The following AGXT2 variants were observed in gnomAD, a reference collection of about 807,000 sequenced individuals.
AGXT2 encodes the protein alanine--glyoxylate aminotransferase 2, mitochondrial.
In AGXT2, 61 loss-of-function variants were observed where a neutral mutation model predicts 62.5. The ratio of observed to expected loss-of-function variants is 0.98; its 90% CI spans 0.79 to 1.21. The LOEUF is 1.21. Ranked by LOEUF, AGXT2 falls within the 50% of genes most tolerant of loss-of-function variation. The pLI, the probability that AGXT2 is intolerant of heterozygous loss-of-function variation, is 0.00. For missense variants in AGXT2, 666 were observed against 641.5 expected, an observed-to-expected ratio of 1.04 and a Z score of -0.41; for synonymous variants, 243 against 218.7, an observed-to-expected ratio of 1.11 and a Z score of -0.98.
chr5:35,022,834 G>A (rs562285833), intron 9 of AGXT2, among the ~76,000 whole-genome samples: 47 of 150,660 alleles, frequency 3.1e-4, no homozygotes, highest in African/African-American at 1.1e-3. Flanking sequence ...TATTAACCAA[G>A]TACCAGAGGG....
chr5:35,019,992 C>G (rs140646852), intron 9 of AGXT2, among the ~76,000 whole-genome samples: 44,983 of 152,020 alleles, frequency 0.3, 7,796 homozygotes, highest in Non-Finnish European at 0.4. Context: ...ATAAATTCCT[C>G]AACACATACA....
intron 7 of AGXT2, among the ~76,000 whole-genome samples, chr5:35,031,998 G>A (rs953472949): frequency 2.2e-5 from 3 of 136,658 alleles, no homozygotes; most frequent in Non-Finnish European, 3.0e-5. Flanking sequence ...TGTTGCCCAG[G>A]TTGGAGTGCA....
At chr5:35,003,634 G>C (rs1040430912) in intron 13 of AGXT2, 129 bp downstream of exon 13, 15 of 897,984 alleles carry the variant, frequency 1.7e-5, no homozygotes, top group Non-Finnish European at 2.2e-5. Context: ...TGGGTACCTC[G>C]GCACAGTTGT....
chr5:35,041,266 G>A (rs1767982368), intron 1 of AGXT2, among the ~76,000 whole-genome samples: 1 of 128,180 alleles, frequency 7.8e-6, no homozygotes, highest in Non-Finnish European at 1.6e-5. Context: ...AGACTGTGAT[G>A]AAACAGGGAT....
chr5:35,014,124 G>C lies in AGXT2; in HGVS notation c.964-5C>G. ...CCTTCCAAATCCTGTCTGCACCTGG[G>C]AAAACAAGTTCAAAACCATTGGAAA... On this transcript the variant is annotated splice_polypyrimidine_tract_variant and splice_region_variant and intron_variant, in intron 9 of 13. Transcript: ENST00000231420. 1 of 1,614,006 alleles carries C rather than the reference G, an allele frequency of 6.2e-7. No individual in the cohort carries two copies.
intron 1 of AGXT2, among the ~76,000 whole-genome samples, chr5:35,046,842 C>G (rs1768230028): frequency 6.6e-6 from 1 of 152,152 alleles, no homozygotes; most frequent in South Asian, 2.1e-4. Context: ...GTTGCTTAAT[C>G]TCATGTTTGC....
intron 13 of AGXT2, among the ~76,000 whole-genome samples, chr5:35,000,269 T>A (rs556641940): frequency 6.6e-6 from 1 of 152,146 alleles, no homozygotes; most frequent in East Asian, 1.9e-4. Flanking sequence ...ACCTCTCCTG[T>A]CTCTTTCTTC....
intron 9 of AGXT2, among the ~76,000 whole-genome samples, chr5:35,015,279 A>T (rs990396538): frequency 6.6e-6 from 1 of 152,174 alleles, no homozygotes; most frequent in Non-Finnish European, 1.5e-5. Context: ...TGTATCCATA[A>T]CACCTAGCAC....
At chr5:35,030,401 G>A (rs770206827) in intron 7 of AGXT2, among the ~76,000 whole-genome samples, 3 of 152,148 alleles carry the variant, frequency 2.0e-5, no homozygotes, top group African/African-American at 7.2e-5. Flanking sequence ...CCCGCTACTC[G>A]GGAAGCTGAG....
chr5:35,042,839 A>G (rs1768037558), intron 1 of AGXT2, among the ~76,000 whole-genome samples: 1 of 151,894 alleles, frequency 6.6e-6, no homozygotes, highest in African/African-American at 2.4e-5. Flanking sequence ...TCCAAGGTCT[A>G]TTTCTGAATA....
At position 35,032,985 on chromosome 5, in the gene AGXT2, AT is replaced by A. The variant is rs1191506089; in HGVS notation, c.676-161del. The stretch of plus-strand genomic sequence containing the variant: ...TTGAAGGATCTGCTTTGAAGAGATA[AT>A]TTTTTCTTAGAAATCAGCTATGTGG... On this transcript the variant is annotated intron_variant, in intron 6 of 13. Coordinates refer to ENST00000231420, the MANE Select transcript of AGXT2 (RefSeq NM_031900.4). The A allele has an allele frequency of 5.9e-6, 4 of 682,326 alleles. No homozygotes were observed. In the Admixed American group the frequency reaches 6.5e-5, roughly 11 times the overall value. 42.3% of individuals were successfully genotyped at this position (682,326 alleles called of 1,614,324 possible).
At chr5:35,030,021 A>G (rs1388897271) in intron 7 of AGXT2, among the ~76,000 whole-genome samples, 1 of 152,248 alleles carries the variant, frequency 6.6e-6, no homozygotes, top group African/African-American at 2.4e-5. Flanking sequence ...AATTGAGAAC[A>G]GGCAACATCT....
intron 9 of AGXT2, among the ~76,000 whole-genome samples, chr5:35,023,687 C>G (rs1334665565): frequency 6.6e-6 from 1 of 152,086 alleles, no homozygotes; most frequent in African/African-American, 2.4e-5. Context: ...GGACTTCGAT[C>G]AGTTTGTGGG....
At chr5:35,000,018 C>T (rs961772955) in intron 13 of AGXT2, among the ~76,000 whole-genome samples, 3 of 152,218 alleles carry the variant, frequency 2.0e-5, no homozygotes, top group African/African-American at 4.8e-5. Context: ...ATGGCTACCT[C>T]GCAAATGCTT....
chr5:35,013,975 T>A lies in AGXT2; in HGVS notation c.1096+12A>T. Reference sequence around the variant, plus strand: ...GGCCCAGAAGCAAACACAAACTGCCTGTGGGTCCTACCTGGAGTGGTTATG... The same window carrying A: ...GGCCCAGAAGCAAACACAAACTGCCAGTGGGTCCTACCTGGAGTGGTTATG... On this transcript the variant is annotated intron_variant, in intron 10 of 13. Transcript: ENST00000231420. 6.2e-7 allele frequency: 1 copy of A among 1,613,878 alleles called. No homozygotes were observed. The highest frequency in any genetic ancestry group is 8.5e-7 in the Non-Finnish European group (1 of 1,179,866).
At chr5:35,021,215 A>G (rs1767067076) in intron 9 of AGXT2, among the ~76,000 whole-genome samples, 1 of 152,244 alleles carries the variant, frequency 6.6e-6, no homozygotes, top group South Asian at 2.1e-4. Context: ...CAGAATTGAA[A>G]AAACTACTTC....
At chr5:35,043,416 C>A (rs190487935) in intron 1 of AGXT2, among the ~76,000 whole-genome samples, 1 of 152,214 alleles carries the variant, frequency 6.6e-6, no homozygotes, top group Admixed American at 6.5e-5. Flanking sequence ...TTGCCCAATG[C>A]TCATATAATG....
In AGXT2 at chr5:35,040,696, A is replaced by G. The variant is rs781623715; in HGVS notation, c.89-33T>C. On this transcript the variant is annotated intron_variant, in intron 1 of 13. Transcript: ENST00000231420. ...TGAAGTGAGTTAGAATCCTCAACTA[A>G]GCATGACATAGGTCTGTTTGTGAAA... 4.6e-6 allele frequency: 7 copies of G among 1,525,848 alleles called. No individual in the cohort carries two copies. In the African/African-American group the frequency reaches 9.6e-5, roughly 21 times the overall value. The allele number at this position is 1,525,848 out of a possible 1,614,324, so 94.5% of individuals were successfully genotyped here. A position where few individuals can be genotyped will look rare whatever the true frequency, so the allele number is the denominator to read the frequency against.
chr5:35,010,093 T>C lies in AGXT2; in HGVS notation c.1245A>G (p.Leu415=). 1 of 1,614,222 alleles carries C rather than the reference T, an allele frequency of 6.2e-7. No homozygotes were observed. Among genetic ancestry groups the C allele is most frequent in the Non-Finnish European group, 8.5e-7 (1 of 1,180,036 alleles). The part of the protein sequence containing the change: ...ENSQEVGTYM[L]LKFAKLRDEF... The stretch of plus-strand genomic sequence containing the variant: ...CATCCCGCAGCTTAGCAAACTTTAG[T>C]AACATGTAGGTCCCAACTTCTTGAC... The change falls in exon 12 of 14, where the codon TTA becomes TTG. Residue 415 remains leucine (L), a synonymous_variant. Transcript: ENST00000231420.
Sources: allele counts gnomAD v4.1 joint callset (sites outside exome capture counted in the v4.1 genomes callset), GRCh38; gene constraint gnomAD v4.1.1; transcripts MANE v1.5; gene names NCBI Gene and HGNC (gene_info 2026-07-23, HGNC 2026-07-21).